CCDC138: variants seen among roughly 807,000 people sequenced by gnomAD.
The protein encoded by CCDC138 is coiled-coil domain-containing protein 138.
A neutral mutation model predicts 82.3 loss-of-function variants in CCDC138; 66 were observed. That is an observed-to-expected ratio of 0.80 (90% confidence interval 0.66 to 0.98). The LOEUF (loss-of-function observed/expected upper bound fraction) is 0.98, where lower values mean the gene tolerates loss of function less well. CCDC138 is among the 50% of genes least tolerant of loss of function. CCDC138 has a pLI of 0.00. For synonymous variants in CCDC138, 297 were observed against 265.4 expected (o/e 1.12, Z -1.16); for missense variants, 816 against 758.9 (o/e 1.08, Z -0.88).
intron 13 of CCDC138, among the ~76,000 whole-genome samples, chr2:108,859,761 TAA>T (rs755144512): frequency 7.2e-5 from 11 of 152,166 alleles, no homozygotes; most frequent in Non-Finnish European, 1.5e-4. Context: ...TCTTTTTACT[TAA>T]GTTTGTTTTG....
At chr2:108,827,075 G>T (rs924572248) in intron 10 of CCDC138, among the ~76,000 whole-genome samples, 5 of 152,066 alleles carry the variant, frequency 3.3e-5, no homozygotes, top group African/African-American at 1.2e-4. Context: ...ACAATTAAAG[G>T]CAAGTCAAGA....
downstream of CCDC138, chr2:108,878,515 C>A: frequency 1.4e-5 from 3 of 215,290 alleles, no homozygotes; most frequent in South Asian, 2.4e-4. Flanking sequence ...AGGTCACTGT[C>A]ATCTTACCAT....
chr2:108,822,439 T>C (rs1430948255), intron 10 of CCDC138, among the ~76,000 whole-genome samples: 1 of 152,130 alleles, frequency 6.6e-6, no homozygotes, highest in Non-Finnish European at 1.5e-5. Context: ...AACAACATAA[T>C]AAATTAACTC....
chr2:108,837,445 A>T (rs563205512), intron 10 of CCDC138, among the ~76,000 whole-genome samples: 2 of 152,218 alleles, frequency 1.3e-5, no homozygotes, highest in Non-Finnish European at 2.9e-5. Context: ...ATGATGTTTA[A>T]GACAATGGTA....
intron 6 of CCDC138, among the ~76,000 whole-genome samples, chr2:108,799,883 A>C (rs1319122872): frequency 1.3e-5 from 2 of 151,718 alleles, no homozygotes; most frequent in African/African-American, 4.8e-5. Flanking sequence ...TTTAATCTCC[A>C]TGTTGCTATT....
At chr2:108,864,377 T>G (rs1157058889) in intron 13 of CCDC138, among the ~76,000 whole-genome samples, 3 of 152,326 alleles carry the variant, frequency 2.0e-5, no homozygotes, top group African/African-American at 7.2e-5. Flanking sequence ...GGTAACACAT[T>G]CAAGGCCAGT....
chr2:108,844,141 G>A lies in CCDC138; in HGVS notation c.1324-2597G>A, dbSNP rs549624199. ...CTCCCAAAGTGCCGGGAGTGCAACC[G>A]TGAGCCACCGCCCCCAGTTTCTTCA... On this transcript the variant is annotated intron_variant, in intron 11 of 14. Coordinates refer to ENST00000295124, the MANE Select transcript of CCDC138 (RefSeq NM_144978.3). Among the ~76,000 whole-genome samples the A allele has an allele frequency of 3.3e-5, 5 of 152,070 alleles. No homozygotes were observed. In the East Asian group the frequency reaches 5.8e-4, roughly 18 times the overall value.
intron 2 of CCDC138, among the ~76,000 whole-genome samples, chr2:108,788,612 CA>C (rs1679353369): frequency 7.0e-6 from 1 of 143,526 alleles, no homozygotes; most frequent in South Asian, 2.3e-4. Flanking sequence ...CCCGGCTACT[CA>C]GGAGGCTGAG....
chr2:108,833,507 A>G (rs187433757), intron 10 of CCDC138, among the ~76,000 whole-genome samples: 1 of 152,220 alleles, frequency 6.6e-6, no homozygotes, highest in Non-Finnish European at 1.5e-5. Context: ...ACAATGCCAG[A>G]TGAATTTAGT....
At chr2:108,817,624 C>T (rs952572044) in intron 10 of CCDC138, among the ~76,000 whole-genome samples, 4 of 152,190 alleles carry the variant, frequency 2.6e-5, no homozygotes, top group African/African-American at 9.6e-5. Context: ...GAATTGCCCT[C>T]AGCTGACAGT....
At chr2:108,868,423 A>T (rs1360714213) in intron 13 of CCDC138, among the ~76,000 whole-genome samples, 1 of 152,222 alleles carries the variant, frequency 6.6e-6, no homozygotes, top group African/African-American at 2.4e-5. Context: ...GTGACTCAAC[A>T]AAAGCACTGA....
At chr2:108,811,247 C>CTCTTTTTTTTTTTTTTTTT (rs760937756) in intron 7 of CCDC138, among the ~76,000 whole-genome samples, 9 of 113,900 alleles carry the variant, frequency 7.9e-5, no homozygotes, top group East Asian at 4.7e-4. Flanking sequence ...TTCTCTCTCT[C>CTCTTTTTTTTTTTTTTTTT]TTTTTTTTTT....
At chr2:108,795,677 G>A (rs2149496587) in intron 5 of CCDC138, among the ~76,000 whole-genome samples, 1 of 152,320 alleles carries the variant, frequency 6.6e-6, no homozygotes, top group South Asian at 2.1e-4. Context: ...ACCAGGAAAA[G>A]TTTAGGGAGA....
chr2:108,808,925 T>C (rs116826716), intron 7 of CCDC138, among the ~76,000 whole-genome samples: 1,603 of 152,330 alleles, frequency 0.011, 17 homozygotes, highest in Middle Eastern at 0.031. Flanking sequence ...TCCCATTTTT[T>C]CCTCTAGTAG....
chr2:108,867,121 A>G (rs1294036501), intron 13 of CCDC138, among the ~76,000 whole-genome samples: 1 of 152,106 alleles, frequency 6.6e-6, no homozygotes, highest in Non-Finnish European at 1.5e-5. Context: ...ATGTTTTTAT[A>G]TATATGTATA....
intron 12 of CCDC138, among the ~76,000 whole-genome samples, chr2:108,851,810 A>G (rs771673156): frequency 8.5e-5 from 13 of 152,168 alleles, no homozygotes; most frequent in Non-Finnish European, 1.6e-4. Context: ...CATAACAAAG[A>G]CTAATGAGAC....
rs1347591010 is a variant in CCDC138 at position 108,791,881 on chromosome 2, A to T, written c.394+79A>T. The T allele has an allele frequency of 5.1e-6, 7 of 1,360,302 alleles. No homozygotes were observed. The East Asian group carries it at 1.7e-4, about 33-fold the overall frequency. 84.3% of individuals were successfully genotyped at this position (1,360,302 alleles called of 1,614,324 possible). ...TAAATGAAGCTTCCCTCCTAGTAAT[A>T]ACACTGGCCCCCAAGAGTTTGCATA... On this transcript the variant is annotated intron_variant, in intron 4 of 14. Coordinates refer to ENST00000295124, the MANE Select transcript of CCDC138 (RefSeq NM_144978.3).
At chr2:108,846,180 G>C (rs953976935) in intron 11 of CCDC138, among the ~76,000 whole-genome samples, 1 of 152,032 alleles carries the variant, frequency 6.6e-6, no homozygotes, top group Non-Finnish European at 1.5e-5. Flanking sequence ...TGAGAGAGTA[G>C]GTAGTCCACC....
At chr2:108,789,007 A>T (rs1174386789) in intron 3 of CCDC138, 41 bp downstream of exon 3, 3 of 1,604,638 alleles carry the variant, frequency 1.9e-6, no homozygotes, top group East Asian at 2.2e-5. Flanking sequence ...CCCCCTCAGT[A>T]TCTCAAAAAA....
Sources: allele counts gnomAD v4.1 joint callset (sites outside exome capture counted in the v4.1 genomes callset), GRCh38; gene constraint gnomAD v4.1.1; transcripts MANE v1.5; gene names NCBI Gene and HGNC (gene_info 2026-07-23, HGNC 2026-07-21).